Variants in TSPAN1 observed in about 807,000 individuals in gnomAD.
TSPAN1 encodes the protein tetraspanin 1.
A neutral mutation model predicts 26.9 loss-of-function variants in TSPAN1; 23 were observed. That is an observed-to-expected ratio of 0.85 (90% CI 0.62 to 1.21). TSPAN1 has a LOEUF of 1.21. TSPAN1 is among the 50% of genes most tolerant of loss of function. TSPAN1 has a pLI of 0.00. For missense variants in TSPAN1, 283 were observed against 298.4 expected (o/e 0.95, Z 0.38); for synonymous variants, 115 against 114.8 (o/e 1.00, Z -0.01).
Position 46,175,570 on chromosome 1 carries a change from T to TAGCTTCTGGGCA in TSPAN1, c.-142+162_-142+173dup, listed in dbSNP as rs1553161473. On this transcript the variant is annotated intron_variant, in intron 1 of 8. Coordinates refer to ENST00000372003, the MANE Select transcript of TSPAN1 (RefSeq NM_005727.4). ...TCCAGGGCAAACCAAGCTTCTGGGC[T>TAGCTTCTGGGCA]AGCTTCTGGGCACTTCTAGAGGATC... 6 of 398,750 alleles carry TAGCTTCTGGGCA rather than the reference T, an allele frequency of 1.5e-5. No individual in the cohort carries two copies. The South Asian group carries it at 7.9e-4, about 52-fold the overall frequency. 24.7% of individuals were successfully genotyped at this position (398,750 alleles called of 1,614,324 possible). A position where few individuals can be genotyped will look rare whatever the true frequency, so the allele number is the denominator to read the frequency against.
At chr1:46,193,605 A>G in the TSPAN1 span, 1 of 1,614,168 alleles carries the variant, frequency 6.2e-7, no homozygotes, top group Non-Finnish European at 8.5e-7. Flanking sequence ...ATCTGAGGAG[A>G]CACCCCCTGG....
At chr1:46,176,554 T>C in intron 1 of TSPAN1, 1 of 1,474,014 alleles carries the variant, frequency 6.8e-7, no homozygotes, top group South Asian at 1.3e-5. Context: ...AAAGTCTGCA[T>C]AAGGGCAGGG....
At chr1:46,181,237 G>T in intron 3 of TSPAN1, 73 bp downstream of exon 3, 7 of 1,437,152 alleles carry the variant, frequency 4.9e-6, no homozygotes, top group Non-Finnish European at 6.7e-6. Context: ...AGACTAAGCT[G>T]GGGAATGGGA....
chr1:46,189,935 T>C (rs1453156577), downstream of TSPAN1: 9 of 1,614,054 alleles, frequency 5.6e-6, no homozygotes, highest in East Asian at 2.2e-5. Context: ...CCTCTGTGTC[T>C]GGCAGGAAAG....
chr1:46,190,002 G>A (rs1413241496), downstream of TSPAN1: 4 of 1,613,508 alleles, frequency 2.5e-6, no homozygotes, highest in South Asian at 2.2e-5. Context: ...GCAGTAGAGG[G>A]TGGGAGAATA....
downstream of TSPAN1, chr1:46,189,029 A>G: frequency 6.4e-7 from 1 of 1,574,122 alleles, no homozygotes; most frequent in Non-Finnish European, 8.6e-7. Flanking sequence ...TAGGGATCGT[A>G]ATGATTCCCA....
chr1:46,189,472 C>G, downstream of TSPAN1: 1 of 1,613,524 alleles, frequency 6.2e-7, no homozygotes, highest in Non-Finnish European at 8.5e-7. Flanking sequence ...AGGGGGAAGC[C>G]GGGACCCCCA....
intron 3 of TSPAN1, 127 bp downstream of exon 3, chr1:46,181,291 G>A: frequency 1.1e-6 from 1 of 919,084 alleles, no homozygotes; most frequent in Non-Finnish European, 1.7e-6. Context: ...CCCCTTATGA[G>A]TGGGATGCAA....
At chr1:46,196,274 G>A in the TSPAN1 span, among the ~76,000 whole-genome samples, 2 of 152,132 alleles carry the variant, frequency 1.3e-5, no homozygotes, top group Admixed American at 6.5e-5. The surrounding 1 kb of genome is among the most constrained non-coding windows in gnomAD (Gnocchi z 4.4). Context: ...AAGAGATCAC[G>A]TCTTTCTACA....
chr1:46,188,914 C>A (rs11552406), downstream of TSPAN1: 1 of 1,612,834 alleles, frequency 6.2e-7, no homozygotes, highest in African/African-American at 1.3e-5. Flanking sequence ...AATCCAGGCC[C>A]TCCAGGTTCG....
At chr1:46,189,496 GTTC>G (rs1435566919), downstream of TSPAN1, 4 of 1,613,676 alleles carry the variant, frequency 2.5e-6, no homozygotes, top group Admixed American at 5.0e-5. Context: ...TCAGGAAGTG[GTTC>G]TTCTTCCGAA....
intron 3 of TSPAN1, 72 bp from the exon 4 acceptor site, chr1:46,184,119 T>C: frequency 1.3e-6 from 2 of 1,517,306 alleles, no homozygotes; most frequent in Non-Finnish European, 1.8e-6. Flanking sequence ...CTCCCATCCT[T>C]CTTACTCAGC....
downstream of TSPAN1, chr1:46,189,403 T>C: frequency 6.2e-7 from 1 of 1,613,966 alleles, no homozygotes; most frequent in Non-Finnish European, 8.5e-7. Context: ...CCATTAGCTA[T>C]ATCCCTGGAT....
At chr1:46,189,995 G>A (rs755844243), downstream of TSPAN1, 6 of 1,613,534 alleles carry the variant, frequency 3.7e-6, no homozygotes, top group South Asian at 5.5e-5. Flanking sequence ...CCTCACTGCA[G>A]TAGAGGGTGG....
the TSPAN1 span, chr1:46,194,532 T>C: frequency 6.2e-7 from 1 of 1,613,828 alleles, no homozygotes; most frequent in Non-Finnish European, 8.5e-7. Flanking sequence ...CCCTGCCCCA[T>C]CCATGCTCCA....
chr1:46,185,488 G>A lies in TSPAN1; in HGVS notation c.681G>A (p.Leu227=). 1 of 1,614,192 alleles carries A rather than the reference G, an allele frequency of 6.2e-7. No individual in the cohort carries two copies. The highest frequency in any genetic ancestry group is 8.5e-7 in the Non-Finnish European group (1 of 1,180,042). ...TCTCCCTGTTCCTCCCTCTCCAGCTGGCTGCCATGATTGTGTCCATGTATC... is the reference window on the plus strand; with the variant it reads ...TCTCCCTGTTCCTCCCTCTCCAGCTAGCTGCCATGATTGTGTCCATGTATC... The part of the protein sequence containing the change: ...GVAAGIGGLE[L]AAMIVSMYLY... The change falls in exon 9 of 9, where the codon CTG becomes CTA. Residue 227 remains leucine, a splice_region_variant and synonymous_variant. Coordinates refer to ENST00000372003, the MANE Select transcript of TSPAN1 (RefSeq NM_005727.4).
chr1:46,193,706 A>G, the TSPAN1 span: 1 of 1,609,242 alleles, frequency 6.2e-7, no homozygotes, highest in Non-Finnish European at 8.5e-7. Flanking sequence ...CTGTGTTTAC[A>G]GCTGGGCCCA....
At position 46,184,816 on chromosome 1, in the gene TSPAN1, C is replaced by T; in HGVS notation, c.371C>T (p.Pro124Leu). ...AEHFLTLLVVPAIKKDYGSQE... is the reference protein window; with the variant it reads ...AEHFLTLLVVLAIKKDYGSQE... Reference sequence around the variant, plus strand: ...CACTTCCTGACGTTGCTGGTAGTGCCTGCCATCAAGAAAGATTATGGTTCC... The same window carrying T: ...CACTTCCTGACGTTGCTGGTAGTGCTTGCCATCAAGAAAGATTATGGTTCC... Residue 124 changes from proline to leucine, a missense_variant, in exon 6 of 9, where the codon CCT (proline) becomes CTT (leucine). Coordinates refer to ENST00000372003, the MANE Select transcript of TSPAN1 (RefSeq NM_005727.4). The T allele has an allele frequency of 6.2e-7, 1 of 1,614,188 alleles. No homozygotes were observed. Among genetic ancestry groups the T allele is most frequent in the Non-Finnish European group, 8.5e-7 (1 of 1,180,032 alleles).
rs1657294544 is a variant in TSPAN1 at position 46,180,635 on chromosome 1, C to T, written c.-32C>T. ...GCCTCAGCAGTTCCCTCTTTCAGAA[C>T]TCACTGCCAAGAGCCCTGAACAGGT... On this transcript the variant is annotated 5_prime_UTR_variant, in exon 2 of 9. Coordinates refer to ENST00000372003, the MANE Select transcript of TSPAN1 (RefSeq NM_005727.4). 6.5e-6 allele frequency: 1 copy of T among 154,252 alleles called. No homozygotes were observed. Among genetic ancestry groups the T allele is most frequent in the African/African-American group, 2.4e-5 (1 of 41,516 alleles). 9.6% of individuals were successfully genotyped at this position (154,252 alleles called of 1,614,324 possible). A position where few individuals can be genotyped will look rare whatever the true frequency, so the allele number is the denominator to read the frequency against.
Sources: gnomAD v4.1 joint callset for allele counts (sites outside exome capture counted in the v4.1 genomes callset) on GRCh38, gnomAD v4.1.1 for gene constraint, Gnocchi (gnomAD v3.1) non-coding constraint, MANE v1.5 for transcripts, NCBI Gene and HGNC (gene_info 2026-07-23, HGNC 2026-07-21) for gene names.